Variants in PDE4D observed in about 807,000 individuals in gnomAD.
The protein encoded by PDE4D is 3',5'-cyclic-AMP phosphodiesterase 4D.
A neutral mutation model predicts 87.4 loss-of-function variants in PDE4D; 24 were observed. That is an observed-to-expected ratio of 0.27 (90% CI 0.20 to 0.39). The LOEUF (loss-of-function observed/expected upper bound fraction) is 0.39. PDE4D is among the 10% of genes least tolerant of loss of function. The pLI is 1.00. For synonymous variants in PDE4D, 384 were observed against 383.2 expected, an observed-to-expected ratio of 1.00 and a Z score of -0.02; for missense variants, 714 against 1,041.0, an observed-to-expected ratio of 0.69 and a Z score of 4.32.
At chr5:60,255,465 T>A (rs1748947965) in intron 1 of PDE4D, among the ~76,000 whole-genome samples, 1 of 151,792 alleles carries the variant, frequency 6.6e-6, no homozygotes, top group South Asian at 2.1e-4. Flanking sequence ...CTAAAAAACT[T>A]TTCAGTATCT....
At chr5:59,583,832 T>A (rs1824629119) in intron 1 of PDE4D, among the ~76,000 whole-genome samples, 1 of 152,198 alleles carries the variant, frequency 6.6e-6, no homozygotes, top group African/African-American at 2.4e-5. Context: ...CTCAGCTTTT[T>A]CTCATTCTTG....
At chr5:59,595,827 G>A (rs62355561) in intron 1 of PDE4D, among the ~76,000 whole-genome samples, 11,517 of 151,750 alleles carry the variant, frequency 0.076, 597 homozygotes, top group Admixed American at 0.14. Flanking sequence ...GTAGTATATC[G>A]CTGCATATAC....
chr5:59,731,462 CT>C (rs1184842629), intron 1 of PDE4D, among the ~76,000 whole-genome samples: 1 of 152,088 alleles, frequency 6.6e-6, no homozygotes, highest in Non-Finnish European at 1.5e-5. Context: ...TGTACTAGCC[CT>C]AGTTTGCTAC....
At chr5:59,483,950 A>C (rs1176208359) in intron 1 of PDE4D, among the ~76,000 whole-genome samples, 1 of 152,236 alleles carries the variant, frequency 6.6e-6, no homozygotes, top group African/African-American at 2.4e-5. Context: ...AAACTGAATA[A>C]ATGCAGCAAA....
At chr5:59,589,451 T>A (rs1360461395) in intron 1 of PDE4D, among the ~76,000 whole-genome samples, 1 of 152,182 alleles carries the variant, frequency 6.6e-6, no homozygotes, top group Non-Finnish European at 1.5e-5. Flanking sequence ...TAGTGATCTT[T>A]GATCATGATG....
At chr5:59,596,198 T>C (rs907398082) in intron 1 of PDE4D, among the ~76,000 whole-genome samples, 11 of 151,434 alleles carry the variant, frequency 7.3e-5, no homozygotes, top group African/African-American at 2.4e-4. Context: ...CAAATATGAC[T>C]ATGTTATTTA....
intron 2 of PDE4D, among the ~76,000 whole-genome samples, chr5:60,081,430 A>G (rs887833096): frequency 6.7e-6 from 1 of 150,374 alleles, no homozygotes; most frequent in Non-Finnish European, 1.5e-5. Flanking sequence ...GTTTTCGGCT[A>G]GCTTTTGGAT....
intron 1 of PDE4D, among the ~76,000 whole-genome samples, chr5:59,572,771 C>T (rs1462131931): frequency 8.5e-5 from 13 of 152,228 alleles, no homozygotes; most frequent in Admixed American, 1.3e-4. Context: ...TGAGCCACCA[C>T]GCCCGGCCGC....
intron 1 of PDE4D, among the ~76,000 whole-genome samples, chr5:59,674,639 GCTTT>G (rs1239991916): frequency 2.6e-5 from 4 of 152,128 alleles, no homozygotes; most frequent in Non-Finnish European, 5.9e-5. Context: ...TGTCCAAATG[GCTTT>G]CTTTCCATGA....
At chr5:59,970,722 G>A (rs1054126333) in intron 3 of PDE4D, among the ~76,000 whole-genome samples, 42 of 148,134 alleles carry the variant, frequency 2.8e-4, no homozygotes, top group African/African-American at 2.0e-4. Context: ...TGCTGGAGAG[G>A]ATGTGGAGAA....
At chr5:60,154,863 T>C (rs1027307069) in intron 2 of PDE4D, among the ~76,000 whole-genome samples, 16 of 152,338 alleles carry the variant, frequency 1.1e-4, no homozygotes, top group Middle Eastern at 3.4e-3. Context: ...GGCAACCTTA[T>C]GTTGAGAGAT....
Position 60,518,733 on chromosome 5 carries a change from C to G in PDE4D, n.70+3318G>C, listed in dbSNP as rs148764889. On this transcript the variant is annotated intron_variant and non_coding_transcript_variant, in intron 1 of 2. Coordinates refer to the PDE4D transcript ENST00000506510. The stretch of plus-strand genomic sequence containing the variant: ...AAGAAAGATACTGCCTTTGAGGCTT[C>G]CAAACTAGTCTTCATAATGTTGAAA... 2.6e-5 allele frequency among the ~76,000 whole-genome samples: 4 copies of G among 152,198 alleles called. No homozygotes were observed. In the East Asian group the frequency reaches 5.8e-4, roughly 22 times the overall value.
intron 1 of PDE4D, among the ~76,000 whole-genome samples, chr5:59,683,123 T>G (rs1428337739): frequency 6.6e-6 from 1 of 151,440 alleles, no homozygotes; most frequent in Non-Finnish European, 1.5e-5. Context: ...AATTCCATGT[T>G]TTTAGGAATT....
chr5:59,746,181 A>T (rs1759582038), intron 1 of PDE4D, among the ~76,000 whole-genome samples: 1 of 152,184 alleles, frequency 6.6e-6, no homozygotes, highest in Admixed American at 6.5e-5. Flanking sequence ...CATGGAAAAA[A>T]TGGCAATTTC....
intron 1 of PDE4D, among the ~76,000 whole-genome samples, chr5:59,382,068 A>T (rs1291713225): frequency 6.6e-6 from 1 of 152,066 alleles, no homozygotes; most frequent in Non-Finnish European, 1.5e-5. Context: ...ACCTCTCATT[A>T]CATGCATATT....
At position 60,220,714 on chromosome 5, in the gene PDE4D, C is replaced by T. The variant is rs188666830; in HGVS notation, c.-89-35027G>A. Among the ~76,000 whole-genome samples, 384 of 152,170 alleles carry T rather than the reference C, an allele frequency of 2.5e-3. 2 individuals are homozygous for T. The highest frequency in any genetic ancestry group is 8.6e-3 in the African/African-American group (356 of 41,522). On this transcript the variant is annotated intron_variant, in intron 1 of 16. Coordinates refer to the PDE4D transcript ENST00000502484. ...TTGCCTTCAATTGATATTTAAAATG[C>T]TATTCATTCTTTAAGGCTCAATTCA...
At chr5:60,449,903 GA>G (rs59103648) in intron 1 of PDE4D, among the ~76,000 whole-genome samples, 20 of 148,608 alleles carry the variant, frequency 1.3e-4, no homozygotes, top group South Asian at 6.3e-4. Context: ...TAAATAAAAA[GA>G]AAAAAAAAGA....
intron 1 of PDE4D, among the ~76,000 whole-genome samples, chr5:60,272,248 A>T (rs1409245091): frequency 4.6e-5 from 7 of 152,354 alleles, no homozygotes. Flanking sequence ...TAAAACTAAG[A>T]TGACCTTGAG....
chr5:59,371,566 C>A (rs752694773), intron 1 of PDE4D, among the ~76,000 whole-genome samples: 1 of 151,966 alleles, frequency 6.6e-6, no homozygotes. Context: ...GATCTTACTG[C>A]GATGTTAAAC....
Sources: gnomAD v4.1 joint callset for allele counts (sites outside exome capture counted in the v4.1 genomes callset) on GRCh38, gnomAD v4.1.1 for gene constraint, MANE v1.5 for transcripts, NCBI Gene and HGNC (gene_info 2026-07-23, HGNC 2026-07-21) for gene names.